The following DPYD variants were observed in gnomAD, a reference collection of about 807,000 sequenced individuals.
The protein encoded by DPYD is dihydropyrimidine dehydrogenase [NADP(+)].
In DPYD, 109 loss-of-function variants were observed where a neutral mutation model predicts 116.2. The ratio of observed to expected loss-of-function variants is 0.94; its 90% CI spans 0.80 to 1.10. The LOEUF (loss-of-function observed/expected upper bound fraction) is 1.10. Among genes scored for constraint, DPYD ranks in the 50% least tolerant of loss-of-function variants. The pLI is 0.00. For missense variants in DPYD, 1,302 were observed against 1,254.5 expected (o/e 1.04, Z -0.57); for synonymous variants, 440 against 432.0 (o/e 1.02, Z -0.23).
At chr1:97,352,968 G>C (rs536880173) in intron 16 of DPYD, among the ~76,000 whole-genome samples, 145 of 152,078 alleles carry the variant, frequency 9.5e-4, no homozygotes, top group Non-Finnish European at 1.7e-3. Flanking sequence ...ATCAAGCAAG[G>C]GGGGTGGGGG....
chr1:97,545,555 T>A (rs371976932), intron 12 of DPYD: 2 of 446,836 alleles, frequency 4.5e-6, no homozygotes, highest in Non-Finnish European at 7.8e-6. Flanking sequence ...TACATGAAGA[T>A]GTTTGGTGAA....
At chr1:97,793,031 T>C (rs939874579) in intron 3 of DPYD, among the ~76,000 whole-genome samples, 1 of 152,224 alleles carries the variant, frequency 6.6e-6, no homozygotes, top group Non-Finnish European at 1.5e-5. Flanking sequence ...AATGTATCAA[T>C]ACTGGTTCAT....
intron 14 of DPYD, among the ~76,000 whole-genome samples, chr1:97,396,074 G>A (rs538677591): frequency 6.9e-6 from 1 of 145,058 alleles, no homozygotes; most frequent in African/African-American, 2.5e-5. Flanking sequence ...TGTTATATAG[G>A]AAAAGCTAAC....
At position 97,487,660 on chromosome 1, in the gene DPYD, G is replaced by A. The variant is rs139996951; in HGVS notation, c.1740+28066C>T. 3.0e-3 allele frequency among the ~76,000 whole-genome samples: 449 copies of A among 152,180 alleles called. 5 individuals are homozygous for A. The highest frequency in any genetic ancestry group is 0.014 in the Middle Eastern group (4 of 294). ...TGCACTCCAGCCTGGGCGACAGAGC[G>A]CGACTCTGTCTCAAAAAACAAAACA... On this transcript the variant is annotated intron_variant, in intron 13 of 22. Coordinates refer to ENST00000370192, the MANE Select transcript of DPYD (RefSeq NM_000110.4).
intron 14 of DPYD, among the ~76,000 whole-genome samples, chr1:97,433,520 T>A (rs796245852): frequency 6.6e-6 from 1 of 152,168 alleles, no homozygotes; most frequent in East Asian, 1.9e-4. Flanking sequence ...CATTTTCAGA[T>A]TTTAGGTAAG....
At chr1:97,423,860 A>G (rs1271216050) in intron 14 of DPYD, among the ~76,000 whole-genome samples, 1 of 152,122 alleles carries the variant, frequency 6.6e-6, no homozygotes, top group African/African-American at 2.4e-5. Context: ...ACTGATTACA[A>G]AATAAGAAAT....
chr1:97,802,202 A>G (rs532186285), intron 3 of DPYD, among the ~76,000 whole-genome samples: 1 of 152,028 alleles, frequency 6.6e-6, no homozygotes, highest in South Asian at 2.1e-4. Flanking sequence ...AGTTGGATAC[A>G]GCACAATTCT....
intron 11 of DPYD, among the ~76,000 whole-genome samples, chr1:97,572,996 CAT>C (rs1402157117): frequency 6.6e-6 from 1 of 151,952 alleles, no homozygotes; most frequent in African/African-American, 2.4e-5. Flanking sequence ...CCTAGAAAAA[CAT>C]ATTTTATTTT....
chr1:97,658,634 C>CG (rs1167268106), intron 8 of DPYD, among the ~76,000 whole-genome samples: 1 of 152,072 alleles, frequency 6.6e-6, no homozygotes, highest in Admixed American at 6.6e-5. Context: ...CTCTAATCAT[C>CG]ACTCTCCTGC....
chr1:97,591,556 C>T (rs1393291654), intron 10 of DPYD, among the ~76,000 whole-genome samples: 2 of 152,106 alleles, frequency 1.3e-5, no homozygotes, highest in Non-Finnish European at 2.9e-5. Context: ...CTTAGTTCTA[C>T]CTAAGACAGA....
intron 20 of DPYD, among the ~76,000 whole-genome samples, chr1:97,131,889 TAAC>T (rs1215142217): frequency 2.6e-5 from 4 of 152,208 alleles, no homozygotes; most frequent in Non-Finnish European, 5.9e-5. Flanking sequence ...ATTTTTCACA[TAAC>T]AAAAACTTTT....
intron 6 of DPYD, among the ~76,000 whole-genome samples, chr1:97,694,492 T>C (rs919932641): frequency 2.0e-5 from 3 of 152,210 alleles, no homozygotes; most frequent in Non-Finnish European, 2.9e-5. Context: ...CAGTGTATGA[T>C]GGCTTCCACA....
intron 13 of DPYD, among the ~76,000 whole-genome samples, chr1:97,483,998 G>A (rs1288678161): frequency 9.9e-5 from 15 of 152,120 alleles, no homozygotes; most frequent in Non-Finnish European, 1.5e-5. Flanking sequence ...GGTTGGTATA[G>A]AATTCAAAAC....
chr1:97,326,045 G>T (rs900720723), intron 16 of DPYD, among the ~76,000 whole-genome samples: 1 of 151,524 alleles, frequency 6.6e-6, no homozygotes, highest in African/African-American at 2.4e-5. Context: ...GTCCAAGCAG[G>T]AGACCAATCA....
intron 20 of DPYD, among the ~76,000 whole-genome samples, chr1:97,101,721 C>T (rs994500787): frequency 1.3e-5 from 2 of 152,012 alleles, no homozygotes; most frequent in African/African-American, 2.4e-5. Context: ...TATTTTCTTA[C>T]AGAAAAGTTG....
At chr1:97,323,347 T>TATGTGTATATGTACACGTATATATACAA (rs1435406929) in intron 16 of DPYD, among the ~76,000 whole-genome samples, 1 of 129,120 alleles carries the variant, frequency 7.7e-6, no homozygotes, top group East Asian at 2.5e-4. Context: ...TATATATACA[T>TATGTGTATATGTACACGTATATATACAA]GTGTATATGT....
At chr1:97,692,379 C>T (rs1002794963) in intron 6 of DPYD, among the ~76,000 whole-genome samples, 32 of 151,346 alleles carry the variant, frequency 2.1e-4, no homozygotes, top group Middle Eastern at 3.2e-3. Flanking sequence ...AAAGTTCAGT[C>T]ATTAAAAAAC....
At chr1:97,488,085 G>C (rs6687950) in intron 13 of DPYD, among the ~76,000 whole-genome samples, 8 of 151,656 alleles carry the variant, frequency 5.3e-5, no homozygotes, top group African/African-American at 1.9e-4. Context: ...TGGAATACAA[G>C]TCAGCAAAAA....
chr1:97,912,478 T>C (rs1673997385), intron 1 of DPYD, among the ~76,000 whole-genome samples: 1 of 152,104 alleles, frequency 6.6e-6, no homozygotes, highest in African/African-American at 2.4e-5. Flanking sequence ...TATCAAATTA[T>C]ATATGACTAA....
Sources: allele counts gnomAD v4.1 joint callset (sites outside exome capture counted in the v4.1 genomes callset), GRCh38; gene constraint gnomAD v4.1.1; transcripts MANE v1.5; gene names NCBI Gene and HGNC (gene_info 2026-07-23, HGNC 2026-07-21).